TMEM116: variants seen among roughly 807,000 people sequenced by gnomAD.
TMEM116 encodes the protein transmembrane protein 116.
Under a neutral mutation model 44.3 loss-of-function variants are expected in TMEM116, and 38 were observed. The ratio of observed to expected loss-of-function variants is 0.86; its 90% CI spans 0.66 to 1.12. TMEM116 has a LOEUF of 1.12. TMEM116 is among the 50% of genes most tolerant of loss of function. TMEM116 has a pLI of 0.00. For missense variants in TMEM116, 354 were observed against 401.7 expected (o/e 0.88, Z 1.01); for synonymous variants, 132 against 144.8 (o/e 0.91, Z 0.64).
At chr12:111,942,781 T>G (rs2072951535) in intron 5 of TMEM116, among the ~76,000 whole-genome samples, 2 of 136,740 alleles carry the variant, frequency 1.5e-5, no homozygotes, top group Admixed American at 1.8e-4. Flanking sequence ...TGTGTGTGTG[T>G]GGGTGTGTGT....
chr12:112,012,046 TAA>T (rs1565983901), intron 1 of TMEM116: 1 of 152,368 alleles, frequency 6.6e-6, no homozygotes, highest in Non-Finnish European at 1.5e-5. Context: ...TCAATCAAAA[TAA>T]AAAAGAGCGG....
chr12:111,932,453 T>TAAATAATAC, intron 10 of TMEM116, 133 bp downstream of exon 10: 1 of 735,906 alleles, frequency 1.4e-6, no homozygotes, highest in Non-Finnish European at 2.3e-6. Flanking sequence ...TAACTGAGTG[T>TAAATAATAC]AAATAATACA....
chr12:111,987,192 A>G (rs1184916426), intron 4 of TMEM116, among the ~76,000 whole-genome samples: 6 of 152,122 alleles, frequency 3.9e-5, no homozygotes, highest in African/African-American at 1.4e-4. Flanking sequence ...GTAACAAAAA[A>G]GCAAGCAATC....
intron 4 of TMEM116, among the ~76,000 whole-genome samples, chr12:111,966,221 G>T (rs1178598232): frequency 6.6e-6 from 1 of 151,942 alleles, no homozygotes; most frequent in African/African-American, 2.4e-5. Flanking sequence ...CAGAAGAATT[G>T]CTTGAACCTA....
At chr12:111,992,373 C>A (rs1374817063) in intron 3 of TMEM116, among the ~76,000 whole-genome samples, 1 of 151,848 alleles carries the variant, frequency 6.6e-6, no homozygotes, top group Non-Finnish European at 1.5e-5. Flanking sequence ...GGGTTCACAC[C>A]ATTCTCCTGC....
At chr12:111,955,648 AT>A in intron 4 of TMEM116, among the ~76,000 whole-genome samples, 1 of 152,354 alleles carries the variant, frequency 6.6e-6, no homozygotes, top group Non-Finnish European at 1.5e-5. Context: ...AAAACAGCAC[AT>A]CTCAGCCTAT....
intron 4 of TMEM116, among the ~76,000 whole-genome samples, chr12:111,946,082 G>A (rs1337216993): frequency 6.6e-6 from 1 of 152,184 alleles, no homozygotes; most frequent in Non-Finnish European, 1.5e-5. Flanking sequence ...TTTATGTTTA[G>A]AACAATGTTT....
intron 4 of TMEM116, among the ~76,000 whole-genome samples, chr12:111,966,678 T>C (rs2075005585): frequency 6.6e-6 from 1 of 152,216 alleles, no homozygotes; most frequent in Admixed American, 6.5e-5. Flanking sequence ...TTCAGGGCAC[T>C]TCTTACTATT....
chr12:111,971,456 G>A (rs1593462016), intron 4 of TMEM116, among the ~76,000 whole-genome samples: 1 of 151,070 alleles, frequency 6.6e-6, no homozygotes, highest in Admixed American at 6.6e-5. Flanking sequence ...TAACTGCAAT[G>A]TTAAAATGTA....
chr12:111,979,959 ACT>A, intron 4 of TMEM116, among the ~76,000 whole-genome samples: 1 of 152,290 alleles, frequency 6.6e-6, no homozygotes, highest in Non-Finnish European at 1.5e-5. Context: ...AGCAGTAGAA[ACT>A]CTCATTTATT....
intron 5 of TMEM116, 29 bp downstream of exon 5, chr12:111,943,236 A>G (rs2073009449): frequency 6.4e-7 from 1 of 1,555,100 alleles, no homozygotes; most frequent in African/African-American, 1.4e-5. Context: ...GCATACTATT[A>G]TTAACTATCA....
chr12:111,948,419 A>C (rs1593331626), intron 4 of TMEM116, among the ~76,000 whole-genome samples: 1 of 152,188 alleles, frequency 6.6e-6, no homozygotes, highest in South Asian at 2.1e-4. Context: ...AGGAATAAGG[A>C]TGTCTAGTTT....
At chr12:111,988,602 G>A (rs1174663857) in intron 4 of TMEM116, among the ~76,000 whole-genome samples, 2 of 152,130 alleles carry the variant, frequency 1.3e-5, no homozygotes, top group Non-Finnish European at 2.9e-5. Flanking sequence ...AGGAGGCTGA[G>A]GCAGGGGAAT....
intron 4 of TMEM116, among the ~76,000 whole-genome samples, chr12:111,962,322 T>A (rs1242058788): frequency 6.6e-6 from 1 of 152,122 alleles, no homozygotes; most frequent in Admixed American, 6.5e-5. Flanking sequence ...CTACTTTAAA[T>A]TTCATATGGA....
chr12:111,952,003 G>A (rs1216725094), intron 4 of TMEM116, among the ~76,000 whole-genome samples: 1 of 152,058 alleles, frequency 6.6e-6, no homozygotes, highest in Admixed American at 6.5e-5. Flanking sequence ...GGCTGAGGTG[G>A]GCGGACCATG....
At chr12:111,989,003 CAAAACA>C (rs758897074) in intron 4 of TMEM116, among the ~76,000 whole-genome samples, 26 of 149,166 alleles carry the variant, frequency 1.7e-4, no homozygotes, top group Admixed American at 4.6e-4. Flanking sequence ...AAAACAAAAA[CAAAACA>C]AAAACAAAAA....
chr12:111,985,189 A>T (rs991730206), intron 4 of TMEM116, among the ~76,000 whole-genome samples: 5 of 152,146 alleles, frequency 3.3e-5, no homozygotes, highest in African/African-American at 1.2e-4. Flanking sequence ...AGCAAGAAGA[A>T]ATAAAAGATA....
chr12:111,965,383 T>C (rs1457653204), intron 4 of TMEM116, among the ~76,000 whole-genome samples: 1 of 152,162 alleles, frequency 6.6e-6, no homozygotes, highest in Non-Finnish European at 1.5e-5. Flanking sequence ...AAAATAAAAA[T>C]CATCCATTTA....
intron 9 of TMEM116, among the ~76,000 whole-genome samples, chr12:111,933,582 A>G (rs2071848520): frequency 6.8e-6 from 1 of 146,780 alleles, no homozygotes; most frequent in Non-Finnish European, 1.5e-5. Context: ...TCCACCTCCC[A>G]GGTTCACACC....
Sources: gnomAD v4.1 joint callset for allele counts (sites outside exome capture counted in the v4.1 genomes callset) on GRCh38, gnomAD v4.1.1 for gene constraint, MANE v1.5 for transcripts, NCBI Gene and HGNC (gene_info 2026-07-23, HGNC 2026-07-21) for gene names.